The following REPS2 variants were observed in gnomAD, a reference collection of about 807,000 sequenced individuals.
REPS2 encodes ralBP1-associated Eps domain-containing protein 2.
Under a neutral mutation model 53.6 loss-of-function variants are expected in REPS2, and 23 were observed. The ratio of observed to expected loss-of-function variants is 0.43; its 90% confidence interval spans 0.31 to 0.61. The LOEUF is 0.61. Among genes scored for constraint, REPS2 ranks in the 20% least tolerant of loss-of-function variants. The pLI, the probability that REPS2 is intolerant of heterozygous loss-of-function variation, is 0.11. For synonymous variants in REPS2, 238 were observed against 218.6 expected (o/e 1.09, Z -0.78); for missense variants, 446 against 534.9 (o/e 0.83, Z 1.64).
intron 1 of REPS2, among the ~76,000 whole-genome samples, chrX:16,952,198 G>A (rs938163668): frequency 1.8e-5 from 2 of 111,031 alleles, no homozygotes; most frequent in East Asian, 5.6e-4. Context: ...ATCTACATTA[G>A]GTATTTCTCC....
At chrX:17,109,490 G>A (rs755317926) in intron 14 of REPS2, among the ~76,000 whole-genome samples, 3 of 111,533 alleles carry the variant, frequency 2.7e-5, no homozygotes, top group African/African-American at 9.8e-5. Flanking sequence ...GGGTTCTGGA[G>A]TTGGGGAGGC....
chrX:17,093,166 C>CCATATATA (rs2062641320), intron 13 of REPS2, among the ~76,000 whole-genome samples: 1 of 39,122 alleles, frequency 2.6e-5, no homozygotes, highest in African/African-American at 1.2e-4. Flanking sequence ...TGAGTTAATG[C>CCATATATA]TATATATATA....
intron 1 of REPS2, among the ~76,000 whole-genome samples, chrX:16,967,849 T>C (rs1262692979): frequency 1.8e-5 from 2 of 110,043 alleles, no homozygotes; most frequent in African/African-American, 6.6e-5. Context: ...GGTTTTCTTT[T>C]TTTTTTTTTT....
chrX:17,099,659 T>A (rs181918470), intron 13 of REPS2: 2 of 424,325 alleles, frequency 4.7e-6, no homozygotes, highest in African/African-American at 5.0e-5. Flanking sequence ...GAAACGATAC[T>A]GGCTCTTCAA....
chrX:17,092,490 G>A (rs1430989020), intron 13 of REPS2, among the ~76,000 whole-genome samples: 1 of 110,620 alleles, frequency 9.0e-6, no homozygotes, highest in African/African-American at 3.3e-5. Context: ...TTTTAATGTG[G>A]TTTTCAGGAT....
chrX:17,188,586 G>A, the REPS2 span, among the ~76,000 whole-genome samples: 3 of 112,223 alleles, frequency 2.7e-5, no homozygotes, highest in Non-Finnish European at 5.6e-5. Flanking sequence ...GCTAGCTCTG[G>A]ACAGAGGAAA....
At chrX:17,112,384 A>G (rs755911158) in intron 14 of REPS2, among the ~76,000 whole-genome samples, 1 of 112,325 alleles carries the variant, frequency 8.9e-6, no homozygotes, top group African/African-American at 3.2e-5. Flanking sequence ...TCAACTTGAT[A>G]TAACATAACT....
chrX:17,063,898 C>T (rs2062190841), intron 9 of REPS2, among the ~76,000 whole-genome samples: 1 of 99,384 alleles, frequency 1.0e-5, no homozygotes. Flanking sequence ...AAATCTGTTA[C>T]ACATGCACAC....
intron 14 of REPS2, among the ~76,000 whole-genome samples, chrX:17,110,558 G>C (rs1216534641): frequency 7.5e-5 from 8 of 107,067 alleles, no homozygotes; most frequent in Non-Finnish European, 1.5e-4. Context: ...CGGGCGGGGT[G>C]GCAGGCGCCT....
At chrX:17,113,681 AG>A (rs2063008652) in intron 14 of REPS2, among the ~76,000 whole-genome samples, 1 of 111,391 alleles carries the variant, frequency 9.0e-6, no homozygotes, top group Non-Finnish European at 1.9e-5. Context: ...CAAATTCAAA[AG>A]GCAAAGGAAA....
chrX:17,097,052 A>T (rs1331780110), intron 13 of REPS2, among the ~76,000 whole-genome samples: 1 of 112,331 alleles, frequency 8.9e-6, no homozygotes, highest in African/African-American at 3.2e-5. Context: ...ATGTGCAGAC[A>T]TAGGATAAAG....
At chrX:17,169,009 A>G in the REPS2 span, among the ~76,000 whole-genome samples, 1 of 112,277 alleles carries the variant, frequency 8.9e-6, no homozygotes, top group Non-Finnish European at 1.9e-5. Flanking sequence ...TAAAGCAGAA[A>G]CTGCCATATT....
chrX:16,993,759 A>G lies in REPS2; in HGVS notation c.274-12462A>G, dbSNP rs377406752. Among the ~76,000 whole-genome samples, 26 of 112,575 alleles carry G rather than the reference A, an allele frequency of 2.3e-4. No homozygotes were observed. The East Asian group carries it at 3.3e-3, about 14-fold the overall frequency. On this transcript the variant is annotated intron_variant, in intron 1 of 17. Coordinates refer to ENST00000357277, the MANE Select transcript of REPS2 (RefSeq NM_004726.3). Reference sequence around the variant, plus strand: ...GGGGTGGTGTGTTATACAGTAGTAGATAATTGATACAGCCAAGTTTGGAAG... The same window carrying G: ...GGGGTGGTGTGTTATACAGTAGTAGGTAATTGATACAGCCAAGTTTGGAAG...
chrX:17,074,237 C>G, intron 12 of REPS2, 78 bp downstream of exon 12: 1 of 927,326 alleles, frequency 1.1e-6, no homozygotes, highest in Admixed American at 2.4e-5. Flanking sequence ...AAACCAAAAC[C>G]CAACCCATGA....
chrX:17,077,309 G>A lies in REPS2; in HGVS notation c.1418G>A (p.Arg473Lys). Residue 473 changes from arginine (R) to lysine (K), a missense_variant, in exon 13 of 18, where the codon AGG becomes AAG. Arg to Lys is a conservative substitution (Grantham distance 26). Coordinates refer to ENST00000357277, the MANE Select transcript of REPS2 (RefSeq NM_004726.3). ...SSTSIEEAMK[R>K]GEDPPTPPPR... ...ACCTCCATAGAAGAGGCCATGAAAA[G>A]GGGCGAGGACCCTCCCACCCCGCCA... is the stretch of plus-strand genomic sequence containing the variant. 8.3e-7 allele frequency: 1 copy of A among 1,207,106 alleles called. No homozygotes were observed. Among genetic ancestry groups the A allele is most frequent in the Non-Finnish European group, 1.1e-6 (1 of 893,473 alleles).
chrX:16,959,431 C>T (rs747371047), intron 1 of REPS2, among the ~76,000 whole-genome samples: 10 of 111,928 alleles, frequency 8.9e-5, no homozygotes, highest in South Asian at 3.8e-4. Flanking sequence ...TGAGGCTTTC[C>T]GTGAGTTGGA....
chrX:17,177,851 T>C, the REPS2 span, among the ~76,000 whole-genome samples: 1 of 110,344 alleles, frequency 9.1e-6, no homozygotes, highest in African/African-American at 3.3e-5. Context: ...ATATCAGGAG[T>C]TGGGGGAGAA....
chrX:17,065,543 T>G (rs1324612996), intron 9 of REPS2, among the ~76,000 whole-genome samples: 1 of 112,379 alleles, frequency 8.9e-6, no homozygotes, highest in African/African-American at 3.2e-5. Context: ...ATCACGAAGA[T>G]GTACTTCCAT....
chrX:17,115,880 A>G (rs1383258870), intron 14 of REPS2, among the ~76,000 whole-genome samples: 2 of 112,106 alleles, frequency 1.8e-5, no homozygotes, highest in African/African-American at 6.5e-5. Flanking sequence ...CTCAAGGCAG[A>G]AGAATTTTTC....
Sources: gnomAD v4.1 joint callset for allele counts (sites outside exome capture counted in the v4.1 genomes callset) on GRCh38, gnomAD v4.1.1 for gene constraint, MANE v1.5 for transcripts, NCBI Gene and HGNC (gene_info 2026-07-23, HGNC 2026-07-21) for gene names.